Variants in NDUFA9 observed in about 807,000 individuals in gnomAD.
The protein encoded by NDUFA9 is NADH dehydrogenase [ubiquinone] 1 alpha subcomplex subunit 9, mitochondrial.
Under a neutral mutation model 45.9 loss-of-function variants are expected in NDUFA9, and 23 were observed. That is an observed-to-expected ratio of 0.50 (90% CI 0.36 to 0.71). The LOEUF is 0.71. Ranked by LOEUF, NDUFA9 falls within the 30% of genes least tolerant of loss-of-function variation. The pLI is 0.00. For synonymous variants in NDUFA9, 176 were observed against 170.5 expected (o/e 1.03, Z -0.25); for missense variants, 466 against 488.2 (o/e 0.95, Z 0.43).
chr12:4,654,719 T>C, intron 2 of NDUFA9, 106 bp from the exon 3 acceptor site: 1 of 1,011,546 alleles, frequency 9.9e-7, no homozygotes, highest in Non-Finnish European at 1.4e-6. Context: ...AAATATAATA[T>C]CAATTCACAT....
chr12:4,661,100 G>C (rs1945820918), intron 5 of NDUFA9, among the ~76,000 whole-genome samples: 1 of 152,064 alleles, frequency 6.6e-6, no homozygotes, highest in African/African-American at 2.4e-5. Context: ...GAGTAAATTG[G>C]ACAGGTTCCT....
At chr12:4,660,353 G>A (rs1009685756) in intron 5 of NDUFA9, among the ~76,000 whole-genome samples, 19 of 152,190 alleles carry the variant, frequency 1.2e-4, no homozygotes, top group Admixed American at 1.2e-3. Context: ...TTACTTGAGA[G>A]AATGGAAGAT....
At chr12:4,668,245 T>C (rs1347979563) in intron 6 of NDUFA9, among the ~76,000 whole-genome samples, 1 of 152,254 alleles carries the variant, frequency 6.6e-6, no homozygotes, top group Non-Finnish European at 1.5e-5. Flanking sequence ...TTCTTTGCTC[T>C]TCATGGTTTT....
chr12:4,662,735 A>G (rs766040100), intron 6 of NDUFA9, 100 bp downstream of exon 6: 30 of 920,096 alleles, frequency 3.3e-5, no homozygotes, highest in Non-Finnish European at 5.0e-5. Context: ...CTAAGGATAT[A>G]TTTTTTCTTT....
chr12:4,687,145 G>T lies in NDUFA9; in HGVS notation c.*37G>T, dbSNP rs376001692. ...CAGCTCTTGGTTTTGGCGTCTTTTGGGTCGGCCCATGTGGTTTGAGCACCC... is the reference window on the plus strand; with the variant it reads ...CAGCTCTTGGTTTTGGCGTCTTTTGTGTCGGCCCATGTGGTTTGAGCACCC... On this transcript the variant is annotated 3_prime_UTR_variant, in exon 11 of 11. Transcript: ENST00000266544. 8.3e-5 allele frequency: 134 copies of T among 1,606,830 alleles called. No individual in the cohort carries two copies. Among genetic ancestry groups the T allele is most frequent in the Non-Finnish European group, 1.1e-4 (130 of 1,175,620 alleles).
At chr12:4,657,985 A>C (rs986860014) in intron 4 of NDUFA9, 146 bp downstream of exon 4, 1 of 675,738 alleles carries the variant, frequency 1.5e-6, no homozygotes, top group Non-Finnish European at 2.7e-6. Flanking sequence ...TTGCATACCC[A>C]GTGACACCCC....
intron 3 of NDUFA9, chr12:4,655,217 A>G (rs1481866482): frequency 3.4e-6 from 1 of 295,418 alleles, no homozygotes; most frequent in East Asian, 7.1e-5. Flanking sequence ...GGAAGTAGCC[A>G]TAGACAATAT....
intron 8 of NDUFA9, among the ~76,000 whole-genome samples, chr12:4,676,327 A>T (rs139798190): frequency 6.6e-6 from 1 of 152,276 alleles, no homozygotes; most frequent in East Asian, 1.9e-4. Flanking sequence ...AGGGTATTCA[A>T]TTAGGAAAAG....
At chr12:4,667,171 A>T (rs1464027865) in intron 6 of NDUFA9, among the ~76,000 whole-genome samples, 1 of 152,182 alleles carries the variant, frequency 6.6e-6, no homozygotes, top group Non-Finnish European at 1.5e-5. Context: ...CCCACATGGC[A>T]GAAGAGGAGA....
Position 4,684,504 on chromosome 12 carries a change from G to A in NDUFA9, c.897-755G>A, listed in dbSNP as rs78637738. ...ACCCACTGCTACTGGGCACAGTGGT[G>A]TACACCTGTAGTCCCAGCTACTTGG... On this transcript the variant is annotated intron_variant, in intron 9 of 10. Transcript: ENST00000266544. 6.0e-3 allele frequency among the ~76,000 whole-genome samples: 917 copies of A among 151,966 alleles called. 13 individuals are homozygous for A. Among genetic ancestry groups the A allele is most frequent in the African/African-American group, 0.021 (878 of 41,440 alleles).
At chr12:4,661,316 G>C (rs1028991758) in intron 5 of NDUFA9, among the ~76,000 whole-genome samples, 1 of 152,150 alleles carries the variant, frequency 6.6e-6, no homozygotes, top group East Asian at 1.9e-4. Flanking sequence ...GAAAAGAAAG[G>C]GATGTCTGAA....
At chr12:4,685,363 G>A in intron 10 of NDUFA9, 38 bp downstream of exon 10, 1 of 1,577,100 alleles carries the variant, frequency 6.3e-7, no homozygotes, top group African/African-American at 1.3e-5. Flanking sequence ...CTGGGCAGAT[G>A]ATGAGGCGTT....
intron 6 of NDUFA9, among the ~76,000 whole-genome samples, 176 bp from the exon 7 acceptor site, chr12:4,668,281 A>T (rs1315084082): frequency 6.6e-6 from 1 of 152,116 alleles, no homozygotes; most frequent in Non-Finnish European, 1.5e-5. Context: ...TTATTTTCCG[A>T]GTTTATTATC....
At position 4,692,620 on chromosome 12, in the gene NDUFA9, G is replaced by A. The variant is rs908980891; in HGVS notation, c.*5512G>A. 6.6e-6 allele frequency: 1 copy of A among 152,214 alleles called. No homozygotes were observed. Among genetic ancestry groups the A allele is most frequent in the African/African-American group, 2.4e-5 (1 of 41,432 alleles). The allele number at this position is 152,214 out of a possible 1,614,324, so 9.4% of individuals were successfully genotyped here. On this transcript the variant is annotated 3_prime_UTR_variant, in exon 11 of 11. Transcript: ENST00000266544. Reference sequence around the variant, plus strand: ...GGGAGCATGAAGGCCATCTTGATGGGGGAAATCTTTTAGTACCCTAATGCG... The same window carrying A: ...GGGAGCATGAAGGCCATCTTGATGGAGGAAATCTTTTAGTACCCTAATGCG...
chr12:4,654,461 T>A lies in NDUFA9; in HGVS notation c.219T>A (p.Leu73=), dbSNP rs960949361. 1.5e-5 allele frequency: 25 copies of A among 1,613,870 alleles called. 1 individual carries two copies. In the Middle Eastern group the frequency reaches 4.9e-4, roughly 32 times the overall value. Residue 73 remains leucine, a splice_region_variant and synonymous_variant, in exon 2 of 11, where the codon CTT becomes CTA. Transcript: ENST00000266544. The part of the protein sequence containing the change: ...GFLGRYVVNH[L]GRMGSQVIIP... Reference sequence around the variant, plus strand: ...TGGGGCGATATGTTGTCAACCACCTTGGTAAGTAAAGTTCCTTAAGTTCAT... The same window carrying A: ...TGGGGCGATATGTTGTCAACCACCTAGGTAAGTAAAGTTCCTTAAGTTCAT...
In NDUFA9 at chr12:4,690,222, C is replaced by G. The variant is rs777452871; in HGVS notation, c.*3114C>G. 1.3e-4 allele frequency: 20 copies of G among 152,316 alleles called. No individual in the cohort carries two copies. The highest frequency in any genetic ancestry group is 6.2e-4 in the South Asian group (3 of 4,828). The allele number at this position is 152,316 out of a possible 1,614,324, so 9.4% of individuals were successfully genotyped here. A position where few individuals can be genotyped will look rare whatever the true frequency, so the allele number is the denominator to read the frequency against. ...GATTTGAGCCTGCAAGACTGTAAAC[C>G]CATCCCATTATCATGTTTTCTTCCT... is the stretch of plus-strand genomic sequence containing the variant. On this transcript the variant is annotated 3_prime_UTR_variant, in exon 11 of 11. Transcript: ENST00000266544.
chr12:4,665,002 A>G (rs946618569), intron 6 of NDUFA9, among the ~76,000 whole-genome samples: 3 of 152,152 alleles, frequency 2.0e-5, no homozygotes, highest in Non-Finnish European at 2.9e-5. Flanking sequence ...TCACATGTTC[A>G]TAGTTAGGAA....
intron 1 of NDUFA9, among the ~76,000 whole-genome samples, chr12:4,652,637 T>C (rs1413672930): frequency 4.6e-5 from 7 of 152,234 alleles, no homozygotes; most frequent in Non-Finnish European, 1.0e-4. Context: ...GTTTTTCTCC[T>C]ACCTCATGGG....
chr12:4,678,495 A>T (rs1002556501), intron 8 of NDUFA9, among the ~76,000 whole-genome samples: 3 of 152,154 alleles, frequency 2.0e-5, no homozygotes, highest in Admixed American at 6.5e-5. Flanking sequence ...AAAAGACACC[A>T]TTAAGAAAAT....
Sources: gnomAD v4.1 joint callset for allele counts (sites outside exome capture counted in the v4.1 genomes callset) on GRCh38, gnomAD v4.1.1 for gene constraint, MANE v1.5 for transcripts, NCBI Gene and HGNC (gene_info 2026-07-23, HGNC 2026-07-21) for gene names.